Variants in BCL2L13 observed in about 807,000 individuals in gnomAD.
BCL2L13 encodes BCL2 like 13.
BCL2L13 carries 13 observed loss-of-function variants against 25.8 expected under a neutral mutation model. The ratio of observed to expected loss-of-function variants is 0.50; its 90% CI spans 0.33 to 0.80. The LOEUF (loss-of-function observed/expected upper bound fraction) is 0.80. Ranked by LOEUF, BCL2L13 falls within the 30% of genes least tolerant of loss-of-function variation. The pLI, the probability that BCL2L13 is intolerant of heterozygous loss-of-function variation, is 0.02. For synonymous variants in BCL2L13, 244 were observed against 230.3 expected, an observed-to-expected ratio of 1.06 and a Z score of -0.54; for missense variants, 504 against 574.9, an observed-to-expected ratio of 0.88 and a Z score of 1.26.
intron 5 of BCL2L13, 90 bp downstream of exon 5, chr22:17,696,300 T>A: frequency 9.3e-7 from 1 of 1,072,328 alleles, no homozygotes; most frequent in Non-Finnish European, 1.4e-6. Flanking sequence ...AGCAGAAAAC[T>A]GTTAGAGCTC....
At chr22:17,638,428 C>T (rs2058150068), upstream of BCL2L13, 3 of 371,964 alleles carry the variant, frequency 8.1e-6, no homozygotes, top group African/African-American at 2.1e-5. Context: ...ACACTTGAAA[C>T]GCAATACATG....
intron 1 of BCL2L13, among the ~76,000 whole-genome samples, chr22:17,643,855 C>T (rs1303631479): frequency 2.0e-5 from 3 of 151,544 alleles, no homozygotes; most frequent in African/African-American, 4.9e-5. Flanking sequence ...TCTTGTGATC[C>T]GCCCTCCTTG....
At chr22:17,669,679 TATA>T (rs2059354417) in intron 2 of BCL2L13, among the ~76,000 whole-genome samples, 1 of 152,026 alleles carries the variant, frequency 6.6e-6, no homozygotes, top group Admixed American at 6.6e-5. Context: ...CAAAGCAAAA[TATA>T]GTAGCCGTTA....
At chr22:17,669,013 T>C (rs1431216708) in intron 2 of BCL2L13, among the ~76,000 whole-genome samples, 2 of 150,190 alleles carry the variant, frequency 1.3e-5, no homozygotes, top group Non-Finnish European at 3.0e-5. Context: ...AGAAGTTTAT[T>C]TGGCTCCTGT....
intron 4 of BCL2L13, among the ~76,000 whole-genome samples, chr22:17,689,871 C>T (rs564914816): frequency 1.3e-5 from 2 of 150,478 alleles, no homozygotes; most frequent in South Asian, 2.1e-4. Context: ...CCCAAAAAAC[C>T]GTTATATCTG....
chr22:17,708,143 A>G (rs2060643515), intron 6 of BCL2L13, among the ~76,000 whole-genome samples: 1 of 152,090 alleles, frequency 6.6e-6, no homozygotes, highest in Admixed American at 6.5e-5. Context: ...CCTTTTATCT[A>G]CTTAGGTTTC....
rs367865845 is a variant in BCL2L13 at position 17,683,172 on chromosome 22, C to A, written c.122-42C>A. ...AAGTGCTATTATATTCTAATGGTTTCTCTCTCCCTCTTTCAATAATAACCT... is the reference window on the plus strand; with the variant it reads ...AAGTGCTATTATATTCTAATGGTTTATCTCTCCCTCTTTCAATAATAACCT... On this transcript the variant is annotated intron_variant, in intron 2 of 6. Coordinates refer to ENST00000317582, the MANE Select transcript of BCL2L13 (RefSeq NM_015367.4). The A allele has an allele frequency of 9.4e-5, 100 of 1,064,722 alleles. No homozygotes were observed. In the African/African-American group the frequency reaches 1.2e-3, roughly 12 times the overall value. The allele number at this position is 1,064,722 out of a possible 1,614,324, so 66.0% of individuals were successfully genotyped here. A position where few individuals can be genotyped will look rare whatever the true frequency, so the allele number is the denominator to read the frequency against.
intron 1 of BCL2L13, among the ~76,000 whole-genome samples, chr22:17,647,845 C>T (rs1218715042): frequency 6.6e-6 from 1 of 151,972 alleles, no homozygotes; most frequent in Non-Finnish European, 1.5e-5. Flanking sequence ...ATGCCAAAGT[C>T]CCTCCGGGCG....
At chr22:17,675,116 T>C (rs2059540828) in intron 2 of BCL2L13, among the ~76,000 whole-genome samples, 2 of 152,016 alleles carry the variant, frequency 1.3e-5, no homozygotes, top group Admixed American at 6.6e-5. Flanking sequence ...AAACAGAGGG[T>C]ATATTTAGTT....
intron 1 of BCL2L13, among the ~76,000 whole-genome samples, chr22:17,630,705 C>T (rs1205541458): frequency 6.6e-6 from 1 of 151,620 alleles, no homozygotes; most frequent in Non-Finnish European, 1.5e-5. Context: ...ATTCTCCTGC[C>T]TCAGCCTCCC....
chr22:17,686,382 A>G (rs1200258111), intron 3 of BCL2L13, among the ~76,000 whole-genome samples: 1 of 152,128 alleles, frequency 6.6e-6, no homozygotes, highest in Non-Finnish European at 1.5e-5. Flanking sequence ...CCCAGGAAGC[A>G]TAGGTTGTAG....
At chr22:17,635,836 A>C (rs1442977819), upstream of BCL2L13, among the ~76,000 whole-genome samples, 2 of 151,270 alleles carry the variant, frequency 1.3e-5, no homozygotes, top group African/African-American at 2.4e-5. Flanking sequence ...CAGCCTCCCC[A>C]GTAGCTGGGA....
chr22:17,637,406 C>CAAA (rs561992615), upstream of BCL2L13, among the ~76,000 whole-genome samples: 1 of 98,052 alleles, frequency 1.0e-5, no homozygotes, highest in African/African-American at 3.8e-5. Flanking sequence ...GACTCTGCCT[C>CAAA]AAAAAAAAAA....
At chr22:17,693,370 T>G (rs926959276) in intron 4 of BCL2L13, among the ~76,000 whole-genome samples, 1 of 82,506 alleles carries the variant, frequency 1.2e-5, no homozygotes, top group African/African-American at 4.5e-5. Flanking sequence ...TATTTAGTGT[T>G]TGTTTTTTTT....
At chr22:17,722,510 G>A (rs2061175475) in intron 6 of BCL2L13, among the ~76,000 whole-genome samples, 1 of 151,972 alleles carries the variant, frequency 6.6e-6, no homozygotes, top group Non-Finnish European at 1.5e-5. Context: ...CCAAAGTGCT[G>A]GGATTACAGG....
intron 2 of BCL2L13, among the ~76,000 whole-genome samples, chr22:17,675,146 A>G (rs2059541722): frequency 1.3e-5 from 2 of 152,230 alleles, no homozygotes. Flanking sequence ...TTTTACCCCT[A>G]TAATTTAGAA....
chr22:17,663,640 G>A (rs2059140029), intron 2 of BCL2L13, among the ~76,000 whole-genome samples: 1 of 145,668 alleles, frequency 6.9e-6, no homozygotes, highest in Non-Finnish European at 1.5e-5. Flanking sequence ...TCCTTATTGT[G>A]TGTTTGAATG....
intron 6 of BCL2L13, among the ~76,000 whole-genome samples, chr22:17,706,065 G>C (rs1255098750): frequency 1.3e-5 from 2 of 152,184 alleles, no homozygotes; most frequent in Non-Finnish European, 2.9e-5. Flanking sequence ...CCTGGCTGGA[G>C]TACAGTGGCA....
At chr22:17,650,730 T>C (rs975446812) in intron 1 of BCL2L13, among the ~76,000 whole-genome samples, 5 of 152,088 alleles carry the variant, frequency 3.3e-5, no homozygotes, top group African/African-American at 1.2e-4. Flanking sequence ...TTTTAAAAGA[T>C]AGGATCTTGC....
Sources: gnomAD v4.1 joint callset for allele counts (sites outside exome capture counted in the v4.1 genomes callset) on GRCh38, gnomAD v4.1.1 for gene constraint, MANE v1.5 for transcripts, NCBI Gene and HGNC (gene_info 2026-07-23, HGNC 2026-07-21) for gene names.